Variants in PHF3 observed in about 807,000 individuals in gnomAD.
PHF3 encodes PHD finger protein 3.
PHF3 carries 41 observed loss-of-function variants against 178.4 expected under a neutral mutation model. The observed-to-expected ratio is 0.23, with a 90% CI of 0.18 to 0.30. PHF3 has a LOEUF of 0.30. Among genes scored for constraint, PHF3 ranks in the 10% least tolerant of loss-of-function variants. PHF3 has a pLI of 1.00. For synonymous variants in PHF3, 842 were observed against 800.5 expected (o/e 1.05, Z -0.88); for missense variants, 2,346 against 2,398.1 (o/e 0.98, Z 0.45).
At chr6:63,660,464 A>T (rs1438379964) in intron 2 of PHF3, among the ~76,000 whole-genome samples, 2 of 152,158 alleles carry the variant, frequency 1.3e-5, no homozygotes, top group Non-Finnish European at 2.9e-5. Context: ...GACTTTATTC[A>T]TTTATTGAAT....
chr6:63,660,095 C>G (rs1455579010), intron 2 of PHF3, among the ~76,000 whole-genome samples: 2 of 151,868 alleles, frequency 1.3e-5, no homozygotes, highest in Non-Finnish European at 2.9e-5. Context: ...GAAGATAGTT[C>G]TTTTTCCTGT....
intron 2 of PHF3, among the ~76,000 whole-genome samples, chr6:63,649,074 G>T (rs991976086): frequency 2.1e-5 from 3 of 145,832 alleles, no homozygotes; most frequent in Admixed American, 1.4e-4. Flanking sequence ...TTGCAAAAAA[G>T]AAATCTTATT....
At position 63,712,281 on chromosome 6, in the gene PHF3, C is replaced by G; in HGVS notation, c.4693C>G (p.Pro1565Ala). 6.2e-7 allele frequency: 1 copy of G among 1,613,652 alleles called. No individual in the cohort carries two copies. The highest frequency in any genetic ancestry group is 8.5e-7 in the Non-Finnish European group (1 of 1,179,792). ...LTSLSLRGKPPDVSTEAFLTN... is the reference protein window; with the variant it reads ...LTSLSLRGKPADVSTEAFLTN... ...GAGTCTTAGTCTCAGAGGTAAGCCA[C>G]CAGATGTTTCTACAGAAGCATTTTT... is the stretch of plus-strand genomic sequence containing the variant. Residue 1565 changes from proline to alanine, a missense_variant, in exon 16 of 16, where the codon CCA (proline) becomes GCA (alanine). This residue lies in a region of PHF3 where 839 missense variants were observed against 806.9 expected (regional missense o/e 1.04). Transcript: ENST00000262043.
chr6:63,710,170 A>G (rs914115366), intron 14 of PHF3, among the ~76,000 whole-genome samples: 1 of 152,212 alleles, frequency 6.6e-6, no homozygotes, highest in African/African-American at 2.4e-5. Context: ...TAGAATTTAA[A>G]TTGATACAGT....
intron 10 of PHF3, 72 bp from the exon 11 acceptor site, chr6:63,703,464 A>G: frequency 1.4e-6 from 2 of 1,448,356 alleles, no homozygotes; most frequent in South Asian, 2.6e-5. Context: ...TAAATGGAAA[A>G]TATAAATTGA....
At chr6:63,706,921 G>A in intron 13 of PHF3, 45 bp downstream of exon 13, 2 of 1,560,732 alleles carry the variant, frequency 1.3e-6, no homozygotes, top group Non-Finnish European at 1.8e-6. Flanking sequence ...TTGATAATGT[G>A]TGTTTCTGAA....
At chr6:63,711,415 A>G in intron 15 of PHF3, 53 bp downstream of exon 15, 2 of 1,465,644 alleles carry the variant, frequency 1.4e-6, no homozygotes, top group Non-Finnish European at 1.9e-6. Flanking sequence ...GGGAGGTGGG[A>G]CCAGAGTGAA....
chr6:63,655,678 A>G (rs1464362405), intron 2 of PHF3, among the ~76,000 whole-genome samples: 2 of 152,254 alleles, frequency 1.3e-5, no homozygotes, highest in Non-Finnish European at 2.9e-5. Flanking sequence ...AATATAGCTT[A>G]AAAGCACAGT....
chr6:63,684,811 G>T lies in PHF3; in HGVS notation c.1089G>T (p.Leu363Phe). 1 of 1,614,034 alleles carries T rather than the reference G, an allele frequency of 6.2e-7. No homozygotes were observed. Among genetic ancestry groups the T allele is most frequent in the Non-Finnish European group, 8.5e-7 (1 of 1,179,910 alleles). Residue 363 changes from leucine (L) to phenylalanine (F), a missense_variant, in exon 4 of 16, where the codon TTG (leucine) becomes TTT (phenylalanine). By Grantham distance (22) the Leu-to-Phe change is conservative. This residue lies in a region of PHF3 where 843 missense variants were observed against 795.2 expected (regional missense o/e 1.06). Transcript: ENST00000262043. The stretch of plus-strand genomic sequence containing the variant: ...AGACAGAAAACAGCCTTGTAGGTTT[G>T]CCTAGTTGTGTAGATGAAGTGACTG... ...PNKTENSLVG[L>F]PSCVDEVTEC...
chr6:63,685,191 A>C lies in PHF3; in HGVS notation c.1469A>C (p.His490Pro), dbSNP rs201507877. 3 of 1,613,878 alleles carry C rather than the reference A, an allele frequency of 1.9e-6. No homozygotes were observed. Among genetic ancestry groups the C allele is most frequent in the African/African-American group, 2.7e-5 (2 of 74,940 alleles). ...GAGTCAAAAAGTGTAAAATCCAAAC[A>C]TACAAAACCTGTAATTCATTCTAAG... Reference protein sequence around the residue: ...YLESKSVKSKHTKPVIHSKQN... With the variant: ...YLESKSVKSKPTKPVIHSKQN... The change falls in exon 4 of 16, where the codon CAT (histidine) becomes CCT (proline). Residue 490 changes from histidine to proline, a missense_variant. His to Pro is a moderately conservative substitution (Grantham distance 77). Coordinates refer to ENST00000262043, the MANE Select transcript of PHF3 (RefSeq NM_001370348.2).
rs1767519139 is a variant in PHF3, at chr6:63,702,564, A to G, written c.3156A>G (p.Lys1052=). 1 of 1,612,988 alleles carries G rather than the reference A, an allele frequency of 6.2e-7. No individual in the cohort carries two copies. Among genetic ancestry groups the G allele is most frequent in the African/African-American group, 1.3e-5 (1 of 75,036 alleles). The change falls in exon 10 of 16, where the codon AAA becomes AAG. Residue 1052 remains lysine, a synonymous_variant. Transcript: ENST00000262043. ...AAGTGGAACGACGGCCAATCACCAA[A>G]ATAACTCATAAAGGTGAAATAGAAA... ...QREVERRPIT[K]ITHKGEIEIE... is the part of the protein sequence containing the mutation.
chr6:63,690,442 A>G (rs1766947254), intron 4 of PHF3, among the ~76,000 whole-genome samples: 1 of 152,156 alleles, frequency 6.6e-6, no homozygotes, highest in African/African-American at 2.4e-5. Context: ...GGTATTTGGC[A>G]AGACTTTAAA....
chr6:63,661,698 A>AT lies in PHF3; in HGVS notation c.244+14909dup, dbSNP rs545372298. 5.3e-5 allele frequency among the ~76,000 whole-genome samples: 8 copies of AT among 152,270 alleles called. No individual in the cohort carries two copies. The East Asian group carries it at 1.5e-3, about 29-fold the overall frequency. Reference sequence around the variant, plus strand: ...TACCTTGGATATCAGTTCTCACTAGATTTTTTAATATATTGATAAGAAGAT... The same window carrying AT: ...TACCTTGGATATCAGTTCTCACTAGATTTTTTTAATATATTGATAAGAAGAT... On this transcript the variant is annotated intron_variant, in intron 2 of 15. Coordinates refer to ENST00000262043, the MANE Select transcript of PHF3 (RefSeq NM_001370348.2).
rs1329736855 is a variant in PHF3 at position 63,724,512 on chromosome 6, A to G, written c.*10804A>G. Among the ~76,000 whole-genome samples, 1 of 152,162 alleles carries G rather than the reference A, an allele frequency of 6.6e-6. No homozygotes were observed. The highest frequency in any genetic ancestry group is 6.5e-5 in the Admixed American group (1 of 15,272). On this transcript the variant is annotated 3_prime_UTR_variant, in exon 16 of 16. Coordinates refer to ENST00000262043, the MANE Select transcript of PHF3 (RefSeq NM_001370348.2). ...TATACACGTTGGGAGGATTATAACT[A>G]TATCAGATGAATTCAGGCTTTGATT...
At chr6:63,656,410 A>C (rs1765235542) in intron 2 of PHF3, among the ~76,000 whole-genome samples, 1 of 152,222 alleles carries the variant, frequency 6.6e-6, no homozygotes, top group Non-Finnish European at 1.5e-5. Flanking sequence ...CCCTAAAAAA[A>C]CCAAGACACC....
At chr6:63,691,354 C>T (rs757430089) in intron 4 of PHF3, among the ~76,000 whole-genome samples, 2 of 151,814 alleles carry the variant, frequency 1.3e-5, no homozygotes, top group South Asian at 2.1e-4. Flanking sequence ...ATGGATTGTC[C>T]GTGATGAAAT....
At chr6:63,685,932 G>C (rs1766682882) in intron 4 of PHF3, 21 bp downstream of exon 4, 1 of 1,540,092 alleles carries the variant, frequency 6.5e-7, no homozygotes, top group Non-Finnish European at 8.9e-7. Flanking sequence ...ATGTGTGTAT[G>C]AGTGATGTGT....
chr6:63,685,149 G>A lies in PHF3; in HGVS notation c.1427G>A (p.Ser476Asn), dbSNP rs752348558. Reference sequence around the variant, plus strand: ...CAGGATGACAGAAACAGCCAGTCAAGTAGCGTTTCTTACTTAGAGTCAAAA... The same window carrying A: ...CAGGATGACAGAAACAGCCAGTCAAATAGCGTTTCTTACTTAGAGTCAAAA... Reference protein sequence around the residue: ...NLQDDRNSQSSSVSYLESKSV... With the variant: ...NLQDDRNSQSNSVSYLESKSV... The change falls in exon 4 of 16, where the codon AGT becomes AAT. Residue 476 changes from serine to asparagine, a missense_variant. Coordinates refer to ENST00000262043, the MANE Select transcript of PHF3 (RefSeq NM_001370348.2). The A allele has an allele frequency of 1.2e-6, 2 of 1,613,886 alleles. No individual in the cohort carries two copies. Among genetic ancestry groups the A allele is most frequent in the Admixed American group, 1.7e-5 (1 of 59,998 alleles).
chr6:63,698,884 C>T (rs1767350195), intron 8 of PHF3, among the ~76,000 whole-genome samples: 1 of 151,872 alleles, frequency 6.6e-6, no homozygotes, highest in African/African-American at 2.4e-5. Flanking sequence ...TTAAAAAATT[C>T]ATTCATATGT....
Sources: gnomAD v4.1 joint callset for allele counts (sites outside exome capture counted in the v4.1 genomes callset) on GRCh38, gnomAD v4.1.1 for gene constraint, gnomAD v4.1.1 regional missense constraint, MANE v1.5 for transcripts, NCBI Gene and HGNC (gene_info 2026-07-23, HGNC 2026-07-21) for gene names.